Variants in PARD3 observed in about 807,000 individuals in gnomAD.
PARD3 encodes partitioning defective 3 homolog.
A neutral mutation model predicts 155.4 loss-of-function variants in PARD3; 75 were observed. The ratio of observed to expected loss-of-function variants is 0.48; its 90% CI spans 0.40 to 0.58. The LOEUF is 0.58. Ranked by LOEUF, PARD3 falls within the 20% of genes least tolerant of loss-of-function variation. The probability of loss-of-function intolerance (pLI) is 0.00; values close to 1 mark genes in which losing one functional copy is unlikely to be tolerated. For missense variants in PARD3, 1,642 were observed against 1,721.7 expected (o/e 0.95, Z 0.82); for synonymous variants, 576 against 610.5 (o/e 0.94, Z 0.83).
At chr10:34,765,408 T>G (rs1196885168) in intron 1 of PARD3, among the ~76,000 whole-genome samples, 1 of 152,150 alleles carries the variant, frequency 6.6e-6, no homozygotes, top group Non-Finnish European at 1.5e-5. Flanking sequence ...CCAGGTGCAG[T>G]GGCTCACACC....
intron 1 of PARD3, among the ~76,000 whole-genome samples, chr10:34,721,512 C>T (rs1564545560): frequency 6.6e-6 from 1 of 152,198 alleles, no homozygotes; most frequent in Non-Finnish European, 1.5e-5. Flanking sequence ...AAGGCAATAC[C>T]CTGAGAGGGG....
At chr10:34,222,691 T>C (rs1952368515) in intron 22 of PARD3, among the ~76,000 whole-genome samples, 4 of 152,196 alleles carry the variant, frequency 2.6e-5, no homozygotes, top group Admixed American at 2.6e-4. Context: ...GGATCAGCAC[T>C]TTACTTAATT....
chr10:34,135,565 A>G (rs1947850371), intron 22 of PARD3, among the ~76,000 whole-genome samples: 1 of 152,180 alleles, frequency 6.6e-6, no homozygotes, highest in Non-Finnish European at 1.5e-5. Context: ...CAAATTGGAT[A>G]CTACTATGTG....
At chr10:34,764,892 A>C (rs962054398) in intron 1 of PARD3, among the ~76,000 whole-genome samples, 3 of 152,176 alleles carry the variant, frequency 2.0e-5, no homozygotes, top group African/African-American at 7.2e-5. Context: ...GTTAAGATGA[A>C]AACATTTATC....
chr10:34,581,234 C>CTTTTTTTTTTTTTTTTTTTTTTTTTTT (rs779658592), intron 2 of PARD3, among the ~76,000 whole-genome samples: 1 of 101,274 alleles, frequency 9.9e-6, no homozygotes, highest in Non-Finnish European at 1.9e-5. Context: ...TTTTTCTTTT[C>CTTTTTTTTTTTTTTTTTTTTTTTTTTT]TTTTTTTTTT....
chr10:34,336,523 A>G (rs1836207406), intron 17 of PARD3, among the ~76,000 whole-genome samples: 1 of 152,184 alleles, frequency 6.6e-6, no homozygotes, highest in Non-Finnish European at 1.5e-5. Flanking sequence ...CTTTATGCGT[A>G]TGATAAATTA....
At chr10:34,677,331 T>C (rs2093727864) in intron 2 of PARD3, among the ~76,000 whole-genome samples, 1 of 151,346 alleles carries the variant, frequency 6.6e-6, no homozygotes, top group South Asian at 2.1e-4. Context: ...AAAAATAAAA[T>C]TAACAGGGTG....
At chr10:34,388,023 T>A (rs1266654004) in intron 7 of PARD3, among the ~76,000 whole-genome samples, 1 of 152,122 alleles carries the variant, frequency 6.6e-6, no homozygotes, top group Admixed American at 6.6e-5. Context: ...ACCAACATTG[T>A]TATAAGTCAT....
chr10:34,394,484 C>T (rs886585675), intron 7 of PARD3, among the ~76,000 whole-genome samples: 5 of 152,178 alleles, frequency 3.3e-5, no homozygotes, highest in Admixed American at 3.3e-4. Flanking sequence ...TGCCAGCACA[C>T]TCGGCTAACT....
In PARD3 at chr10:34,743,988, C is replaced by T. The variant is rs537948540; in HGVS notation, c.121-47569G>A. ...AATTGCTCAGAGTAACAGCATGTCT[C>T]GGCTAGTTAAAAAGATCTCCAGACA... On this transcript the variant is annotated intron_variant, in intron 1 of 24. Transcript: ENST00000374788. Among the ~76,000 whole-genome samples, 47 of 152,252 alleles carry T rather than the reference C, an allele frequency of 3.1e-4. No homozygotes were observed. The South Asian group carries it at 7.1e-3, about 23-fold the overall frequency.
At chr10:34,405,119 T>A (rs2132238817) in intron 5 of PARD3, among the ~76,000 whole-genome samples, 1 of 143,494 alleles carries the variant, frequency 7.0e-6, no homozygotes, top group East Asian at 2.1e-4. Flanking sequence ...CACACACACT[T>A]TAAAAACTCT....
chr10:34,249,668 TG>T (rs1325208879), intron 22 of PARD3, among the ~76,000 whole-genome samples: 1 of 152,202 alleles, frequency 6.6e-6, no homozygotes, highest in Non-Finnish European at 1.5e-5. Context: ...TCCAACCATA[TG>T]TCCCCCACCC....
At chr10:34,321,995 T>C (rs1215766224) in intron 19 of PARD3, among the ~76,000 whole-genome samples, 1 of 152,130 alleles carries the variant, frequency 6.6e-6, no homozygotes, top group African/African-American at 2.4e-5. Context: ...CTACTGTTGA[T>C]ACTATAATTT....
chr10:34,275,713 G>A (rs1210328764), intron 21 of PARD3, among the ~76,000 whole-genome samples: 1 of 152,090 alleles, frequency 6.6e-6, no homozygotes, highest in Admixed American at 6.6e-5. Context: ...AAACATGTTT[G>A]GTGTCCTCAT....
chr10:34,344,107 T>C (rs1837122061), intron 15 of PARD3: 1 of 970,360 alleles, frequency 1.0e-6, no homozygotes, highest in African/African-American at 1.8e-5. Context: ...ATACAACAGA[T>C]TTCAGTTTTG....
At chr10:34,134,796 T>C (rs144554569) in intron 22 of PARD3, among the ~76,000 whole-genome samples, 3 of 152,332 alleles carry the variant, frequency 2.0e-5, no homozygotes, top group Non-Finnish European at 4.4e-5. Context: ...CAAGCCCCCT[T>C]GGGGAACAAC....
At position 34,779,293 on chromosome 10, in the gene PARD3, T is replaced by G. The variant is rs1328233296; in HGVS notation, c.120+35583A>C. On this transcript the variant is annotated intron_variant, in intron 1 of 24. Coordinates refer to ENST00000374788, the MANE Select transcript of PARD3 (RefSeq NM_001184785.2). ...TGCACTCCAGCCTGGGTGAAAGAGC[T>G]AGACTCCATCTCAAAAAATAAAATA... Among the ~76,000 whole-genome samples the G allele has an allele frequency of 5.7e-5, 8 of 140,428 alleles. No homozygotes were observed. In the South Asian group the frequency reaches 6.8e-4, roughly 12 times the overall value. 92.1% of individuals were successfully genotyped at this position (140,428 alleles called of 152,430 possible).
At chr10:34,513,361 C>T (rs1177748710) in intron 3 of PARD3, among the ~76,000 whole-genome samples, 1 of 152,192 alleles carries the variant, frequency 6.6e-6, no homozygotes, top group Non-Finnish European at 1.5e-5. Context: ...CTCACTGCAA[C>T]CTCCACCTCC....
At chr10:34,260,949 A>G (rs1437753081) in intron 22 of PARD3, among the ~76,000 whole-genome samples, 1 of 152,204 alleles carries the variant, frequency 6.6e-6, no homozygotes, top group African/African-American at 2.4e-5. Flanking sequence ...ACAAGTTCAC[A>G]AAGGTCTTTT....
Sources: gnomAD v4.1 joint callset for allele counts (sites outside exome capture counted in the v4.1 genomes callset) on GRCh38, gnomAD v4.1.1 for gene constraint, MANE v1.5 for transcripts, NCBI Gene and HGNC (gene_info 2026-07-23, HGNC 2026-07-21) for gene names.